The following SNTA1 variants were observed in gnomAD, a reference collection of about 807,000 sequenced individuals.
SNTA1 encodes alpha-1-syntrophin.
In SNTA1, 31 loss-of-function variants were observed where a neutral mutation model predicts 47.1. The ratio of observed to expected loss-of-function variants is 0.66; its 90% CI spans 0.49 to 0.89. SNTA1 has a LOEUF of 0.89. Among genes scored for constraint, SNTA1 ranks in the 40% least tolerant of loss-of-function variants. The probability of loss-of-function intolerance (pLI) is 0.00; values close to 1 mark genes in which losing one functional copy is unlikely to be tolerated. For synonymous variants in SNTA1, 300 were observed against 313.6 expected (o/e 0.96, Z 0.46); for missense variants, 575 against 693.0 (o/e 0.83, Z 1.91).
chr20:33,414,532 T>C (rs291692), intron 3 of SNTA1, among the ~76,000 whole-genome samples: 23,313 of 151,990 alleles, frequency 0.15, 2,139 homozygotes, highest in East Asian at 0.39. Flanking sequence ...AAGCAGAGGT[T>C]GCAGTGAGCT....
chr20:33,421,186 GAGAA>G (rs904409238), intron 2 of SNTA1, among the ~76,000 whole-genome samples: 3 of 147,746 alleles, frequency 2.0e-5, no homozygotes, highest in Middle Eastern at 3.7e-3. Context: ...AAAAAAAAAA[GAGAA>G]AGAAAGAAAA....
chr20:33,428,778 C>T (rs1346912664), intron 2 of SNTA1, among the ~76,000 whole-genome samples: 4 of 152,074 alleles, frequency 2.6e-5, no homozygotes, highest in East Asian at 3.9e-4. Context: ...CAGTGGCTCA[C>T]GCCTGTAATT....
chr20:33,416,906 A>T (rs907790319), intron 3 of SNTA1, among the ~76,000 whole-genome samples: 6 of 144,378 alleles, frequency 4.2e-5, no homozygotes, highest in Admixed American at 7.5e-5. Context: ...ATGCCATTGC[A>T]CTCCAACCTG....
chr20:33,410,713 C>T (rs1265282492), intron 5 of SNTA1, among the ~76,000 whole-genome samples: 2 of 152,196 alleles, frequency 1.3e-5, no homozygotes, highest in Non-Finnish European at 2.9e-5. Flanking sequence ...AAAATAGCAC[C>T]CTTGTCACTC....
At chr20:33,435,621 G>T (rs1446900139) in intron 2 of SNTA1, among the ~76,000 whole-genome samples, 1 of 152,022 alleles carries the variant, frequency 6.6e-6, no homozygotes, top group Non-Finnish European at 1.5e-5. Flanking sequence ...GTGTAGAGGA[G>T]ATAGTGTTTA....
chr20:33,409,016 C>G (rs1989672404), intron 6 of SNTA1, 128 bp from the exon 7 acceptor site: 2 of 823,144 alleles, frequency 2.4e-6, no homozygotes, highest in Admixed American at 1.9e-5. Context: ...CACTGTTTGT[C>G]GTGGCACCAG....
intron 2 of SNTA1, among the ~76,000 whole-genome samples, chr20:33,436,110 G>A (rs1022969460): frequency 1.1e-4 from 17 of 152,038 alleles, no homozygotes; most frequent in African/African-American, 3.1e-4. Flanking sequence ...GGAGAATGGC[G>A]TGAACCCGGG....
chr20:33,429,335 A>T (rs1272062342), intron 2 of SNTA1, among the ~76,000 whole-genome samples: 1 of 5,132 alleles, frequency 1.9e-4, no homozygotes, highest in African/African-American at 6.8e-4. Flanking sequence ...GACTCCACCT[A>T]AAAAAAAAAA....
At chr20:33,428,777 A>G (rs1990225101) in intron 2 of SNTA1, among the ~76,000 whole-genome samples, 1 of 152,168 alleles carries the variant, frequency 6.6e-6, no homozygotes, top group Non-Finnish European at 1.5e-5. Context: ...ACAGTGGCTC[A>G]CGCCTGTAAT....
chr20:33,432,469 T>A (rs1385524622), intron 2 of SNTA1, among the ~76,000 whole-genome samples: 3 of 152,092 alleles, frequency 2.0e-5, no homozygotes, highest in Non-Finnish European at 4.4e-5. Flanking sequence ...CACTGATCAG[T>A]CTCCAAACAC....
At chr20:33,439,120 G>A in intron 1 of SNTA1, 94 bp from the exon 2 acceptor site, 2 of 1,175,346 alleles carry the variant, frequency 1.7e-6, no homozygotes, top group Non-Finnish European at 2.5e-6. Flanking sequence ...GCTTCCCTTG[G>A]TGCCTAGCCC....
In SNTA1 at chr20:33,410,368, C is replaced by A. The variant is rs1233045679; in HGVS notation, c.1041-37G>T. The stretch of plus-strand genomic sequence containing the variant: ...GGGCAGAGGGCTGAGCATGAGGCCT[C>A]AGGCCGGAGGCAAATAGTTCTGGGC... On this transcript the variant is annotated intron_variant, in intron 5 of 7. Transcript: ENST00000217381. The A allele has an allele frequency of 1.3e-5, 18 of 1,423,484 alleles. No individual in the cohort carries two copies. In the South Asian group the frequency reaches 1.8e-4, roughly 14 times the overall value. 88.2% of individuals were successfully genotyped at this position (1,423,484 alleles called of 1,614,324 possible).
At chr20:33,430,438 G>A (rs78637229) in intron 2 of SNTA1, among the ~76,000 whole-genome samples, 21,280 of 150,684 alleles carry the variant, frequency 0.14, 2,010 homozygotes, top group East Asian at 0.39. Flanking sequence ...ACAGGCACGC[G>A]CTAAATTTTG....
intron 2 of SNTA1, among the ~76,000 whole-genome samples, chr20:33,425,654 C>T (rs1016563348): frequency 6.6e-6 from 1 of 150,916 alleles, no homozygotes; most frequent in Admixed American, 6.6e-5. Flanking sequence ...ACAGTGAGAA[C>T]CTGTCTAAAA....
chr20:33,419,546 C>T (rs1600846446), intron 2 of SNTA1, among the ~76,000 whole-genome samples: 1 of 152,094 alleles, frequency 6.6e-6, no homozygotes, highest in African/African-American at 2.4e-5. Flanking sequence ...GGGACTAGGA[C>T]TCAAATGACT....
At chr20:33,422,481 T>G (rs1990060697) in intron 2 of SNTA1, among the ~76,000 whole-genome samples, 1 of 148,740 alleles carries the variant, frequency 6.7e-6, no homozygotes, top group East Asian at 2.0e-4. Context: ...CTGGGCTTGC[T>G]CTTCAAACCC....
Position 33,410,180 on chromosome 20 carries a change from C to G in SNTA1, c.1192G>C (p.Asp398His), listed in dbSNP as rs1989704160. The change falls in exon 6 of 8, where the codon GAT becomes CAT. Residue 398 changes from aspartate to histidine, a missense_variant. Coordinates refer to ENST00000217381, the MANE Select transcript of SNTA1 (RefSeq NM_003098.3). Reference protein sequence around the residue: ...ELAAWTRQLVDGCHRAAEGVQ... With the variant: ...ELAAWTRQLVHGCHRAAEGVQ... ...CCCTCGGCGGCCCGGTGACAGCCAT[C>G]CACAAGCTGGCGGGTCCAGGCAGCC... 2.5e-6 allele frequency: 4 copies of G among 1,614,222 alleles called. No homozygotes were observed. Among genetic ancestry groups the G allele is most frequent in the Non-Finnish European group, 3.4e-6 (4 of 1,180,044 alleles).
At position 33,410,604 on chromosome 20, in the gene SNTA1, A is replaced by G. The variant is rs540824114; in HGVS notation, c.1041-273T>C. Among the ~76,000 whole-genome samples, 7 of 152,094 alleles carry G rather than the reference A, an allele frequency of 4.6e-5. No homozygotes were observed. The East Asian group carries it at 1.4e-3, about 29-fold the overall frequency. On this transcript the variant is annotated intron_variant, in intron 5 of 7. Coordinates refer to ENST00000217381, the MANE Select transcript of SNTA1 (RefSeq NM_003098.3). Reference sequence around the variant, plus strand: ...CATATGCTCTTCCCTCTGCCTATACATGCTTCCCTGATTATCTGCACGGCT... The same window carrying G: ...CATATGCTCTTCCCTCTGCCTATACGTGCTTCCCTGATTATCTGCACGGCT...
chr20:33,434,755 C>T (rs550523863), intron 2 of SNTA1, among the ~76,000 whole-genome samples: 2 of 150,708 alleles, frequency 1.3e-5, no homozygotes, highest in African/African-American at 4.9e-5. Flanking sequence ...CCAAGCTGGT[C>T]TCGAACTCCT....
Sources: allele counts gnomAD v4.1 joint callset (sites outside exome capture counted in the v4.1 genomes callset), GRCh38; gene constraint gnomAD v4.1.1; transcripts MANE v1.5; gene names NCBI Gene and HGNC (gene_info 2026-07-23, HGNC 2026-07-21).